Variants in PSG1 observed in about 807,000 individuals in gnomAD.
The protein encoded by PSG1 is pregnancy specific beta-1-glycoprotein 1.
PSG1 carries 60 observed loss-of-function variants against 41.4 expected under a neutral mutation model. That is an observed-to-expected ratio of 1.45 (90% confidence interval 1.18 to 1.80). The LOEUF is 1.80. Ranked by LOEUF, PSG1 falls within the 40% of genes most tolerant of loss-of-function variation. The probability of loss-of-function intolerance (pLI) is 0.00; values close to 1 mark genes in which losing one functional copy is unlikely to be tolerated. For synonymous variants in PSG1, 256 were observed against 192.9 expected (o/e 1.33, Z -2.71); for missense variants, 806 against 516.9 (o/e 1.56, Z -5.42).
intron 3 of PSG1, chr19:42,869,557 AAC>A (rs1256495663): frequency 5.5e-5 from 9 of 165,104 alleles, no homozygotes; most frequent in African/African-American, 1.9e-4. Context: ...CAGCAGAAAT[AAC>A]ACAGGGGAGA....
At chr19:42,874,574 T>C (rs1335216665) in intron 2 of PSG1, among the ~76,000 whole-genome samples, 2 of 151,676 alleles carry the variant, frequency 1.3e-5, no homozygotes, top group Non-Finnish European at 2.9e-5. Context: ...TCTCTATCTC[T>C]TGACCTTGTG....
chr19:42,868,962 G>A lies in PSG1; in HGVS notation c.782C>T (p.Thr261Ile), dbSNP rs766013002. The change falls in exon 4 of 6, where the codon ACC becomes ATC. Residue 261 changes from threonine to isoleucine, a missense_variant. By Grantham distance (89) the Thr-to-Ile change is moderately conservative (BLOSUM62 -1). Coordinates refer to ENST00000436291, the MANE Select transcript of PSG1 (RefSeq NM_001184825.2). ...GTAGTTCTCACTCTTAGGTTCACAG[G>A]TGAAGTTTAAGACATCCTTATTCTC... ...PRENKDVLNF[T>I]CEPKSENYTY... 1 of 1,610,478 alleles carries A rather than the reference G, an allele frequency of 6.2e-7. No individual in the cohort carries two copies. The highest frequency in any genetic ancestry group is 8.5e-7 in the Non-Finnish European group (1 of 1,179,022).
chr19:42,875,900 C>G (rs567115839), intron 2 of PSG1, among the ~76,000 whole-genome samples: 1 of 145,960 alleles, frequency 6.9e-6, no homozygotes, highest in South Asian at 2.2e-4. Context: ...AACTGCCTAT[C>G]CCTGTCCCAT....
At chr19:42,869,122 C>T (rs1176996779) in intron 3 of PSG1, 88 bp from the exon 4 acceptor site, 3 of 1,569,532 alleles carry the variant, frequency 1.9e-6, no homozygotes, top group African/African-American at 1.4e-5. Context: ...CATCTCCCAC[C>T]TCTCATTCCA....
chr19:42,869,577 C>G lies in PSG1; in HGVS notation c.710-543G>C, dbSNP rs775331794. On this transcript the variant is annotated intron_variant, in intron 3 of 5. Coordinates refer to ENST00000436291, the MANE Select transcript of PSG1 (RefSeq NM_001184825.2). ...GAAATAACACAGGGGAGACCAGAAT[C>G]AAGGCTGGAGGTCAGTTCAGTCATC... is the stretch of plus-strand genomic sequence containing the variant. 2.7e-4 allele frequency: 43 copies of G among 161,524 alleles called. 1 individual carries two copies. Among genetic ancestry groups the G allele is most frequent in the Non-Finnish European group, 5.4e-4 (39 of 72,590 alleles). 10.0% of individuals were successfully genotyped at this position (161,524 alleles called of 1,614,324 possible). A position where few individuals can be genotyped will look rare whatever the true frequency, so the allele number is the denominator to read the frequency against.
At position 42,872,319 on chromosome 19, in the gene PSG1, C is replaced by A. The variant is rs371171827; in HGVS notation, c.431-274G>T. 7.3e-5 allele frequency among the ~76,000 whole-genome samples: 11 copies of A among 151,614 alleles called. 1 individual carries two copies. Among genetic ancestry groups the A allele is most frequent in the Non-Finnish European group, 1.2e-4 (8 of 67,892 alleles). On this transcript the variant is annotated intron_variant, in intron 2 of 5. Coordinates refer to ENST00000436291, the MANE Select transcript of PSG1 (RefSeq NM_001184825.2). ...AAAGACACAGGACCAGCAGTCACAG[C>A]CCCTGGTGCCTCTGTGTGTCCCTCC...
At position 42,877,990 on chromosome 19, in the gene PSG1, C is replaced by T. The variant is rs773051536; in HGVS notation, c.353G>A (p.Gly118Glu). The change falls in exon 2 of 6, where the codon GGA (glycine) becomes GAA (glutamate). Residue 118 changes from glycine (G) to glutamate (E), a missense_variant. By Grantham distance (98) the Gly-to-Glu change is moderately conservative (BLOSUM62 -2). Transcript: ENST00000436291. ...CTTTATGATGTGTAAGGTGTAGGAT[C>T]CTGCGTCCTCCCGGGTGACATTCTG... is the stretch of plus-strand genomic sequence containing the variant. ...LIQNVTREDA[G>E]SYTLHIIKGD... 7 of 1,612,320 alleles carry T rather than the reference C, an allele frequency of 4.3e-6. No homozygotes were observed. The highest frequency in any genetic ancestry group is 5.9e-6 in the Non-Finnish European group (7 of 1,179,172).
chr19:42,878,542 C>G, intron 1 of PSG1: 1 of 525,542 alleles, frequency 1.9e-6, no homozygotes. Flanking sequence ...TGGCATTTTT[C>G]TGTTTGGAAT....
At chr19:42,877,092 T>C (rs2122555641) in intron 2 of PSG1, among the ~76,000 whole-genome samples, 1 of 151,860 alleles carries the variant, frequency 6.6e-6, no homozygotes, top group Non-Finnish European at 1.5e-5. Flanking sequence ...TCACCTGACC[T>C]AATGCTTGGC....
chr19:42,874,848 A>G (rs1246084556), intron 2 of PSG1, among the ~76,000 whole-genome samples: 2 of 148,042 alleles, frequency 1.4e-5, no homozygotes, highest in Admixed American at 6.7e-5. Flanking sequence ...TCAGAGATGG[A>G]GTGCCCAGCC....
intron 2 of PSG1, among the ~76,000 whole-genome samples, chr19:42,874,468 T>C (rs1322682687): frequency 1.3e-5 from 2 of 151,608 alleles, no homozygotes; most frequent in Non-Finnish European, 2.9e-5. Context: ...TGCCTTGGCC[T>C]CCCAAGTAGC....
chr19:42,875,493 A>G (rs1051278226), intron 2 of PSG1, among the ~76,000 whole-genome samples: 4 of 151,608 alleles, frequency 2.6e-5, no homozygotes, highest in African/African-American at 9.7e-5. Flanking sequence ...GATGTTTCTC[A>G]TTCTTTTGCA....
chr19:42,867,675 G>T, intron 5 of PSG1: 1 of 771,444 alleles, frequency 1.3e-6, no homozygotes. Context: ...TTCTGGGGCA[G>T]TCAGGTAGAA....
intron 3 of PSG1, chr19:42,869,907 C>G (rs956163384): frequency 6.6e-6 from 1 of 151,750 alleles, no homozygotes; most frequent in Non-Finnish European, 1.5e-5. Context: ...ATCTGGTCCT[C>G]ATGAACCATG....
chr19:42,867,445 T>C (rs1408287797), intron 5 of PSG1: 2 of 576,490 alleles, frequency 3.5e-6, no homozygotes, highest in African/African-American at 3.8e-5. Flanking sequence ...CACAAACCTC[T>C]TGAGAATAGG....
In PSG1 at chr19:42,874,772, G is replaced by A. The variant is rs112356106; in HGVS notation, c.431-2727C>T. ...AGCTAGAACTCTCTAGAAAGTGACC[G>A]GAGAATGTGAGCTCCATAGCAGGTT... On this transcript the variant is annotated intron_variant, in intron 2 of 5. Coordinates refer to ENST00000436291, the MANE Select transcript of PSG1 (RefSeq NM_001184825.2). Among the ~76,000 whole-genome samples the A allele has an allele frequency of 1.2e-3, 181 of 151,578 alleles. 3 individuals carry two copies. Among genetic ancestry groups the A allele is most frequent in the African/African-American group, 4.0e-3 (166 of 41,324 alleles).
rs768163023 is a variant in PSG1, at chr19:42,871,750, G to T, written c.709+17C>A. On this transcript the variant is annotated intron_variant, in intron 3 of 5. Transcript: ENST00000436291. The stretch of plus-strand genomic sequence containing the variant: ...TGGGATGGCAGCCTGGCTCACAGAG[G>T]AACAGAAGATACTCACGGAGGAGAT... The T allele has an allele frequency of 1.4e-5, 23 of 1,612,666 alleles. No individual in the cohort carries two copies. The highest frequency in any genetic ancestry group is 2.0e-5 in the Non-Finnish European group (23 of 1,179,284).
Position 42,877,963 on chromosome 19 carries a change from C to T in PSG1, c.380G>A (p.Gly127Glu). Residue 127 changes from glycine (G) to glutamate (E), a missense_variant, in exon 2 of 6, where the codon GGA (glycine) becomes GAA (glutamate). By Grantham distance (98) the Gly-to-Glu change is moderately conservative. Transcript: ENST00000436291. ...AGTTACTCCTCTAGTCCCATCATCT[C>T]CCTTTATGATGTGTAAGGTGTAGGA... Reference protein sequence around the residue: ...AGSYTLHIIKGDDGTRGVTGR... With the variant: ...AGSYTLHIIKEDDGTRGVTGR... The T allele has an allele frequency of 1.2e-6, 2 of 1,612,408 alleles. No homozygotes were observed. The highest frequency in any genetic ancestry group is 1.3e-5 in the African/African-American group (1 of 74,784).
chr19:42,879,698 G>T lies in PSG1; in HGVS notation c.-117C>A. ...CTTTCTGTGCTGAGCCTCTTCCCAG[G>T]GCAGGAGCAATTCTCAAGCTCATGG... On this transcript the variant is annotated 5_prime_UTR_variant, in exon 1 of 6. Coordinates refer to ENST00000436291, the MANE Select transcript of PSG1 (RefSeq NM_001184825.2). 1 of 1,455,304 alleles carries T rather than the reference G, an allele frequency of 6.9e-7. No homozygotes were observed. Among genetic ancestry groups the T allele is most frequent in the East Asian group, 2.4e-5 (1 of 42,150 alleles). 90.1% of individuals were successfully genotyped at this position (1,455,304 alleles called of 1,614,324 possible). A position where few individuals can be genotyped will look rare whatever the true frequency, so the allele number is the denominator to read the frequency against.
Sources: allele counts gnomAD v4.1 joint callset (sites outside exome capture counted in the v4.1 genomes callset), GRCh38; gene constraint gnomAD v4.1.1; transcripts MANE v1.5; gene names NCBI Gene and HGNC (gene_info 2026-07-23, HGNC 2026-07-21).